Variants in RAB3GAP2 observed in about 807,000 individuals in gnomAD.
RAB3GAP2 encodes the protein RAB3 GTPase activating non-catalytic protein subunit 2.
A neutral mutation model predicts 185.3 loss-of-function variants in RAB3GAP2; 87 were observed. That is an observed-to-expected ratio of 0.47 (90% CI 0.39 to 0.56). The LOEUF (loss-of-function observed/expected upper bound fraction) is 0.56, where lower values mean the gene tolerates loss of function less well. RAB3GAP2 is among the 20% of genes least tolerant of loss of function. The pLI is 0.00. For missense variants in RAB3GAP2, 1,492 were observed against 1,638.2 expected, an observed-to-expected ratio of 0.91 and a Z score of 1.54; for synonymous variants, 554 against 576.1, an observed-to-expected ratio of 0.96 and a Z score of 0.55.
intron 2 of RAB3GAP2, among the ~76,000 whole-genome samples, chr1:220,221,845 T>C (rs1659312837): frequency 6.6e-6 from 1 of 152,250 alleles, no homozygotes; most frequent in African/African-American, 2.4e-5. Flanking sequence ...TGGTAATTAC[T>C]GGGTAAACAC....
intron 2 of RAB3GAP2, among the ~76,000 whole-genome samples, chr1:220,229,677 A>C (rs1659463984): frequency 1.3e-5 from 2 of 152,226 alleles, no homozygotes; most frequent in Non-Finnish European, 2.9e-5. Flanking sequence ...AGAAAAAGCC[A>C]AGTATGTATC....
At chr1:220,202,785 A>G (rs546141020) in intron 8 of RAB3GAP2, among the ~76,000 whole-genome samples, 1 of 152,250 alleles carries the variant, frequency 6.6e-6, no homozygotes, top group East Asian at 1.9e-4. Context: ...TCTAGTAAAA[A>G]TACAAAAATG....
chr1:220,231,491 C>T (rs1255351495), intron 2 of RAB3GAP2, among the ~76,000 whole-genome samples: 1 of 152,138 alleles, frequency 6.6e-6, no homozygotes, highest in Non-Finnish European at 1.5e-5. Flanking sequence ...AGAAATAGGA[C>T]TGTAAGAAGA....
At chr1:220,229,057 T>C (rs1034473875) in intron 2 of RAB3GAP2, among the ~76,000 whole-genome samples, 1 of 152,190 alleles carries the variant, frequency 6.6e-6, no homozygotes, top group African/African-American at 2.4e-5. Flanking sequence ...TAGTATATCC[T>C]TGCTGAAAAA....
chr1:220,271,355 TAAAATAAA>T (rs1244876767), intron 1 of RAB3GAP2: 1 of 141,298 alleles, frequency 7.1e-6, no homozygotes, highest in Non-Finnish European at 1.6e-5. Flanking sequence ...AAAAATAAAA[TAAAATAAA>T]ATAAAATAAA....
intron 26 of RAB3GAP2, among the ~76,000 whole-genome samples, chr1:220,165,535 C>T (rs1313885462): frequency 1.3e-5 from 2 of 152,082 alleles, no homozygotes; most frequent in Non-Finnish European, 2.9e-5. Context: ...CCAATACACA[C>T]TGTGTTGAAA....
chr1:220,232,946 AC>A, intron 1 of RAB3GAP2, 83 bp from the exon 2 acceptor site: 1 of 1,168,142 alleles, frequency 8.6e-7, no homozygotes, highest in Non-Finnish European at 1.3e-6. Context: ...ACATCATAGA[AC>A]CAACCCCTGT....
At chr1:220,231,691 C>G (rs562340683) in intron 2 of RAB3GAP2, among the ~76,000 whole-genome samples, 1 of 152,278 alleles carries the variant, frequency 6.6e-6, no homozygotes, top group African/African-American at 2.4e-5. Context: ...GAGCATGTGG[C>G]CCAATCCTGG....
intron 2 of RAB3GAP2, among the ~76,000 whole-genome samples, chr1:220,216,402 TC>T (rs1659202596): frequency 6.6e-6 from 1 of 152,198 alleles, no homozygotes; most frequent in Non-Finnish European, 1.5e-5. Context: ...ATTAAATTTT[TC>T]CCTGGTTCCA....
At chr1:220,222,863 A>T (rs992984490) in intron 2 of RAB3GAP2, among the ~76,000 whole-genome samples, 1 of 152,144 alleles carries the variant, frequency 6.6e-6, no homozygotes, top group African/African-American at 2.4e-5. Context: ...TCATTTTTAG[A>T]TGTTAGGGAT....
rs761992519 is a variant in RAB3GAP2 at position 220,158,219 on chromosome 1, G to A, written c.3262-343C>T. On this transcript the variant is annotated intron_variant, in intron 29 of 34. Transcript: ENST00000358951. The surrounding 1 kb of genome is among the most constrained non-coding windows in gnomAD (Gnocchi z 4.3). ...TAAGGCATCTGGTAGCCAAATAATC[G>A]TGGTAGATGGAAGATACACACATGA... Among the ~76,000 whole-genome samples the A allele has an allele frequency of 7.2e-5, 11 of 152,120 alleles. No homozygotes were observed. The highest frequency in any genetic ancestry group is 6.6e-5 in the Admixed American group (1 of 15,258).
At chr1:220,266,897 T>C (rs1003322993) in intron 1 of RAB3GAP2, 1 of 1,592,122 alleles carries the variant, frequency 6.3e-7, no homozygotes, top group Non-Finnish European at 8.6e-7. Flanking sequence ...ACCCGTGATA[T>C]TCTTTTGTAG....
intron 2 of RAB3GAP2, among the ~76,000 whole-genome samples, chr1:220,223,899 TA>T (rs945051313): frequency 5.2e-4 from 61 of 116,402 alleles, no homozygotes; most frequent in Admixed American, 1.0e-3. Context: ...ACCCCATCTG[TA>T]AAAAAAAAAA....
chr1:220,207,936 T>A (rs992552720), intron 7 of RAB3GAP2: 4 of 152,188 alleles, frequency 2.6e-5, no homozygotes, highest in Admixed American at 2.0e-4. Flanking sequence ...AGAGCTGAAT[T>A]AGAGGAAATG....
At chr1:220,247,455 A>G (rs1382212741) in intron 1 of RAB3GAP2, among the ~76,000 whole-genome samples, 1 of 152,188 alleles carries the variant, frequency 6.6e-6, no homozygotes, top group East Asian at 1.9e-4. Context: ...CTTTTGCAGC[A>G]CCTTGGATGG....
At chr1:220,202,836 G>A (rs751153441) in intron 8 of RAB3GAP2, among the ~76,000 whole-genome samples, 2 of 152,134 alleles carry the variant, frequency 1.3e-5, no homozygotes, top group Admixed American at 6.5e-5. Flanking sequence ...CCAGCTACTC[G>A]GGAGGCTGAG....
At chr1:220,190,346 G>A (rs1213923587) in intron 15 of RAB3GAP2, 31 bp downstream of exon 15, 8 of 1,613,668 alleles carry the variant, frequency 5.0e-6, no homozygotes, top group Non-Finnish European at 6.8e-6. Context: ...TAGCAGAGGA[G>A]CGTCAATCAG....
chr1:220,186,620 C>T (rs1407305136), intron 17 of RAB3GAP2, among the ~76,000 whole-genome samples: 1 of 152,140 alleles, frequency 6.6e-6, no homozygotes, highest in East Asian at 1.9e-4. Context: ...TTGTTTTCTT[C>T]CCCATTATTC....
At chr1:220,226,072 CA>C (rs941063330) in intron 2 of RAB3GAP2, among the ~76,000 whole-genome samples, 2 of 152,160 alleles carry the variant, frequency 1.3e-5, no homozygotes, top group Admixed American at 1.3e-4. Context: ...GAGCACATTT[CA>C]AAGGCTCTTT....
Sources: allele counts gnomAD v4.1 joint callset (sites outside exome capture counted in the v4.1 genomes callset), GRCh38; gene constraint gnomAD v4.1.1; non-coding constraint Gnocchi (gnomAD v3.1); transcripts MANE v1.5; gene names NCBI Gene and HGNC (gene_info 2026-07-23, HGNC 2026-07-21).